FADS2: variants seen among roughly 807,000 people sequenced by gnomAD.
The protein encoded by FADS2 is acyl-CoA 6-desaturase.
FADS2 carries 18 observed loss-of-function variants against 61.2 expected under a neutral mutation model. The observed-to-expected ratio is 0.29, with a 90% confidence interval of 0.20 to 0.44. The LOEUF (loss-of-function observed/expected upper bound fraction) is 0.44. Among genes scored for constraint, FADS2 ranks in the 20% least tolerant of loss-of-function variants. The pLI is 1.00. For synonymous variants in FADS2, 203 were observed against 223.9 expected, an observed-to-expected ratio of 0.91 and a Z score of 0.83; for missense variants, 322 against 572.7, an observed-to-expected ratio of 0.56 and a Z score of 4.47.
intron 1 of FADS2, among the ~76,000 whole-genome samples, chr11:61,820,465 A>C (rs765171472): frequency 6.6e-6 from 1 of 152,046 alleles, no homozygotes; most frequent in Non-Finnish European, 1.5e-5. Flanking sequence ...TTTGCTTTTC[A>C]TGTGTTCTTA....
intron 4 of FADS2, chr11:61,847,415 G>A (rs2067269701): frequency 6.6e-6 from 1 of 151,950 alleles, no homozygotes; most frequent in African/African-American, 2.4e-5. Context: ...CTACACAACT[G>A]CTCAGCTTTC....
chr11:61,852,313 C>T (rs1057407223), intron 5 of FADS2, among the ~76,000 whole-genome samples: 6 of 152,128 alleles, frequency 3.9e-5, no homozygotes, highest in Non-Finnish European at 5.9e-5. Flanking sequence ...TTGGCTAGAG[C>T]GTAGTGGCGC....
intron 1 of FADS2, among the ~76,000 whole-genome samples, chr11:61,830,659 G>A (rs1189650148): frequency 6.6e-6 from 1 of 152,204 alleles, no homozygotes; most frequent in Non-Finnish European, 1.5e-5. Context: ...TAGGGTGGGA[G>A]CCAACCGGGG....
intron 2 of FADS2, among the ~76,000 whole-genome samples, chr11:61,838,583 T>A (rs1356699123): frequency 6.6e-6 from 1 of 151,974 alleles, no homozygotes; most frequent in Non-Finnish European, 1.5e-5. Flanking sequence ...GCCAGACCCC[T>A]CTGTTTAGCA....
intron 5 of FADS2, chr11:61,848,533 C>T (rs949849907): frequency 1.1e-5 from 6 of 570,724 alleles, no homozygotes; most frequent in Admixed American, 2.9e-5. Flanking sequence ...ACACAGATAC[C>T]TCTCCTAGGT....
intron 1 of FADS2, chr11:61,817,202 T>TGGGG: frequency 1.0e-5 from 1 of 97,362 alleles, no homozygotes; most frequent in Non-Finnish European, 2.0e-5. Flanking sequence ...GCAGGAAGGG[T>TGGGG]GGGCGGGGCC....
chr11:61,851,203 T>A (rs1025777962), intron 5 of FADS2, among the ~76,000 whole-genome samples: 2 of 152,198 alleles, frequency 1.3e-5, no homozygotes, highest in African/African-American at 4.8e-5. Flanking sequence ...CGAGGCTTTG[T>A]AATGTAGAGC....
chr11:61,842,783 C>T (rs1565330958), intron 4 of FADS2, among the ~76,000 whole-genome samples: 1 of 152,228 alleles, frequency 6.6e-6, no homozygotes, highest in East Asian at 1.9e-4. Flanking sequence ...TTGGCTCTAG[C>T]ACTCGGCAGG....
At chr11:61,839,176 A>AT (rs1166691364) in intron 2 of FADS2, among the ~76,000 whole-genome samples, 1 of 151,152 alleles carries the variant, frequency 6.6e-6, no homozygotes, top group African/African-American at 2.4e-5. Flanking sequence ...CGGGACTCAC[A>AT]GCCCCCTCCT....
At chr11:61,857,606 C>T in intron 7 of FADS2, 76 bp downstream of exon 7, 1 of 1,298,786 alleles carries the variant, frequency 7.7e-7, no homozygotes, top group Non-Finnish European at 1.1e-6. Context: ...TCCTACGCTG[C>T]CTCCTCGTGT....
chr11:61,862,942 G>C (rs1195520680), intron 7 of FADS2, 30 bp from the exon 8 acceptor site: 2 of 1,585,916 alleles, frequency 1.3e-6, no homozygotes, highest in Non-Finnish European at 1.7e-6. Context: ...GGAGAGGGCA[G>C]GTTGCACCTA....
chr11:61,856,852 G>A (rs2067363422), intron 5 of FADS2, 159 bp from the exon 6 acceptor site: 6 of 675,144 alleles, frequency 8.9e-6, no homozygotes, highest in Admixed American at 4.6e-5. Context: ...GGGCTGGAGG[G>A]GCCCCAGGCT....
In FADS2 at chr11:61,816,548, C is replaced by G; in HGVS notation, c.141+122C>G. Reference sequence around the variant, plus strand: ...CCTCTCCTGTGCCCCCGCCTGGCTGCGCTCACCGTGGCATCCTGCCCGGCG... The same window carrying G: ...CCTCTCCTGTGCCCCCGCCTGGCTGGGCTCACCGTGGCATCCTGCCCGGCG... On this transcript the variant is annotated intron_variant, in intron 1 of 11. Coordinates refer to the FADS2 transcript ENST00000257261. This position sits in a 1 kb window ranked among gnomAD's most constrained non-coding sequence, Gnocchi z 7.0. 6.2e-7 allele frequency: 1 copy of G among 1,601,112 alleles called. No homozygotes were observed. The highest frequency in any genetic ancestry group is 2.3e-5 in the East Asian group (1 of 44,268).
chr11:61,846,422 T>C (rs1469408324), intron 4 of FADS2, among the ~76,000 whole-genome samples: 44 of 142,556 alleles, frequency 3.1e-4, no homozygotes, highest in East Asian at 1.4e-3. Context: ...TTTTTTTTTT[T>C]TCTCTCTCTC....
chr11:61,859,080 G>A (rs1051214703), intron 7 of FADS2, among the ~76,000 whole-genome samples: 27 of 151,774 alleles, frequency 1.8e-4, no homozygotes, highest in Non-Finnish European at 4.0e-4. Context: ...TTTTTGAGGT[G>A]GAGTTTCGCT....
chr11:61,834,188 A>G (rs1351761032), intron 1 of FADS2, among the ~76,000 whole-genome samples: 1 of 152,188 alleles, frequency 6.6e-6, no homozygotes, highest in Non-Finnish European at 1.5e-5. Context: ...GGAGCGTGGT[A>G]TGTTCAAGGG....
intron 1 of FADS2, among the ~76,000 whole-genome samples, chr11:61,831,848 G>A (rs1362625801): frequency 6.6e-6 from 1 of 152,132 alleles, no homozygotes; most frequent in Non-Finnish European, 1.5e-5. Context: ...GTACTGCGGT[G>A]CTTCTCTCGC....
rs757374157 is a variant in FADS2 at position 61,816,385 on chromosome 11, T to G, written c.100T>G (p.Phe34Val). The change falls in exon 1 of 12, where the codon TTT (phenylalanine) becomes GTT (valine). Residue 34 changes from phenylalanine (F) to valine (V), a missense_variant. Transcript: ENST00000257261. The surrounding 1 kb of genome is among the most constrained non-coding windows in gnomAD (Gnocchi z 7.0). Reference sequence around the variant, plus strand: ...ACTTCTCCAGGCCTCTCTCCCGCCTTTTCATCCCGCATCCGCAGGACACCC... The same window carrying G: ...ACTTCTCCAGGCCTCTCTCCCGCCTGTTCATCCCGCATCCGCAGGACACCC... 1 of 1,598,338 alleles carries G rather than the reference T, an allele frequency of 6.3e-7. No individual in the cohort carries two copies. Among genetic ancestry groups the G allele is most frequent in the Non-Finnish European group, 8.5e-7 (1 of 1,179,798 alleles).
chr11:61,834,058 G>C (rs2067150952), intron 1 of FADS2, among the ~76,000 whole-genome samples: 1 of 152,224 alleles, frequency 6.6e-6, no homozygotes, highest in African/African-American at 2.4e-5. Context: ...AGATCTAACA[G>C]GGCAATGACC....
Sources: allele counts gnomAD v4.1 joint callset (sites outside exome capture counted in the v4.1 genomes callset), GRCh38; gene constraint gnomAD v4.1.1; non-coding constraint Gnocchi (gnomAD v3.1); transcripts MANE v1.5; gene names NCBI Gene and HGNC (gene_info 2026-07-23, HGNC 2026-07-21).